CDH18: variants seen among roughly 807,000 people sequenced by gnomAD.
The protein encoded by CDH18 is cadherin-18.
In CDH18, 31 loss-of-function variants were observed where a neutral mutation model predicts 67.9. The observed-to-expected ratio is 0.46, with a 90% CI of 0.34 to 0.62. The LOEUF (loss-of-function observed/expected upper bound fraction) is 0.62, where lower values mean the gene tolerates loss of function less well. Ranked by LOEUF, CDH18 falls within the 20% of genes least tolerant of loss-of-function variation. The pLI is 0.01. For synonymous variants in CDH18, 362 were observed against 347.2 expected (o/e 1.04, Z -0.48); for missense variants, 890 against 975.5 (o/e 0.91, Z 1.17).
chr5:20,445,392 T>C (rs1286457254), intron 1 of CDH18, among the ~76,000 whole-genome samples: 2 of 152,206 alleles, frequency 1.3e-5, no homozygotes, highest in East Asian at 1.9e-4. Context: ...GTGGGCATCA[T>C]GCTGAATAAT....
chr5:20,235,165 A>C (rs1196157124), intron 2 of CDH18, among the ~76,000 whole-genome samples: 1 of 152,082 alleles, frequency 6.6e-6, no homozygotes, highest in East Asian at 1.9e-4. Flanking sequence ...AGACTTCAAA[A>C]TATAAAAATC....
intron 2 of CDH18, among the ~76,000 whole-genome samples, chr5:19,958,653 G>C (rs754950711): frequency 1.3e-5 from 2 of 152,016 alleles, no homozygotes; most frequent in African/African-American, 2.4e-5. Flanking sequence ...ACCACACCAA[G>C]AGCCTGTTAG....
chr5:20,508,323 TTATATATATATATATATA>T (rs55885279), intron 1 of CDH18, among the ~76,000 whole-genome samples: 3,513 of 111,174 alleles, frequency 0.032, 85 homozygotes, highest in African/African-American at 0.037. Context: ...ATGACTATGA[TTATATATATATATATATA>T]TATATATATA....
chr5:19,795,925 CAAG>C (rs980320796), intron 3 of CDH18, among the ~76,000 whole-genome samples: 6 of 151,942 alleles, frequency 3.9e-5, no homozygotes, highest in Non-Finnish European at 5.9e-5. Flanking sequence ...AATTATAGAA[CAAG>C]AAAACAAAAT....
intron 1 of CDH18, among the ~76,000 whole-genome samples, chr5:20,412,506 G>A (rs1208667007): frequency 6.6e-6 from 1 of 152,132 alleles, no homozygotes; most frequent in Non-Finnish European, 1.5e-5. Context: ...TGACAAACAG[G>A]ACTTAATTAA....
intron 2 of CDH18, among the ~76,000 whole-genome samples, chr5:20,117,483 T>A (rs1748019580): frequency 6.6e-6 from 1 of 152,182 alleles, no homozygotes; most frequent in Non-Finnish European, 1.5e-5. Flanking sequence ...TACAATACAG[T>A]ATTTGTTTAG....
intron 2 of CDH18, among the ~76,000 whole-genome samples, chr5:20,027,987 G>C (rs1172419432): frequency 6.6e-6 from 1 of 151,934 alleles, no homozygotes; most frequent in African/African-American, 2.4e-5. Flanking sequence ...AACATAATGA[G>C]TATTCATCTA....
intron 3 of CDH18, among the ~76,000 whole-genome samples, chr5:19,752,205 C>T (rs993298823): frequency 1.3e-5 from 2 of 152,108 alleles, no homozygotes; most frequent in African/African-American, 2.4e-5. Flanking sequence ...GATGCAAATC[C>T]TGTGTGTAGA....
chr5:19,642,047 A>G lies in CDH18; in HGVS notation c.644-29446T>C, dbSNP rs201295451. Among the ~76,000 whole-genome samples, 5 of 152,026 alleles carry G rather than the reference A, an allele frequency of 3.3e-5. No individual in the cohort carries two copies. The East Asian group carries it at 9.6e-4, about 29-fold the overall frequency. On this transcript the variant is annotated intron_variant, in intron 5 of 12. Coordinates refer to ENST00000382275, the MANE Select transcript of CDH18 (RefSeq NM_004934.5). Reference sequence around the variant, plus strand: ...ATAATTTGTGTTGCTATACAAAAACAATGAATTATTTGAAAAAGAAATGGA... The same window carrying G: ...ATAATTTGTGTTGCTATACAAAAACGATGAATTATTTGAAAAAGAAATGGA...
chr5:19,672,653 T>A (rs1021152737), intron 5 of CDH18, among the ~76,000 whole-genome samples: 2 of 151,908 alleles, frequency 1.3e-5, no homozygotes, highest in Admixed American at 6.6e-5. Context: ...TTTAAAAAAA[T>A]TTATGAAAAA....
chr5:19,568,323 G>A (rs534065639), intron 8 of CDH18, among the ~76,000 whole-genome samples: 5 of 152,250 alleles, frequency 3.3e-5, no homozygotes, highest in East Asian at 1.9e-4. Flanking sequence ...TGATTATGAG[G>A]TCATGAAAAT....
intron 9 of CDH18, among the ~76,000 whole-genome samples, chr5:19,543,648 G>A (rs1468575152): frequency 6.6e-6 from 1 of 152,112 alleles, no homozygotes; most frequent in Non-Finnish European, 1.5e-5. Flanking sequence ...AGTGTTCTGT[G>A]ATGCCACTTT....
intron 2 of CDH18, among the ~76,000 whole-genome samples, chr5:20,142,304 T>C (rs924896805): frequency 2.0e-5 from 3 of 152,008 alleles, no homozygotes; most frequent in East Asian, 1.9e-4. Context: ...TCCAGCCCAG[T>C]TGTGGTGGTT....
At chr5:19,812,535 A>G (rs2149903053) in intron 3 of CDH18, among the ~76,000 whole-genome samples, 1 of 152,306 alleles carries the variant, frequency 6.6e-6, no homozygotes, top group African/African-American at 2.4e-5. Context: ...CAAAAAGCAT[A>G]AAACATAAAA....
chr5:19,779,923 A>C (rs566461403), intron 3 of CDH18, among the ~76,000 whole-genome samples: 3 of 152,150 alleles, frequency 2.0e-5, no homozygotes, highest in African/African-American at 2.4e-5. Context: ...TCCATTTTAT[A>C]TGAATAATAT....
chr5:19,510,702 A>G lies in CDH18; in HGVS notation c.1513-7593T>C, dbSNP rs553518689. On this transcript the variant is annotated intron_variant, in intron 10 of 12. Transcript: ENST00000382275. ...GAATTATAATCCCCATAATCCCCACATTATAATCCCACATAACCCCTACCT... is the reference window on the plus strand; with the variant it reads ...GAATTATAATCCCCATAATCCCCACGTTATAATCCCACATAACCCCTACCT... Among the ~76,000 whole-genome samples, 368 of 152,184 alleles carry G rather than the reference A, an allele frequency of 2.4e-3. 2 individuals carry two copies. The highest frequency in any genetic ancestry group is 3.8e-3 in the Non-Finnish European group (259 of 68,002).
intron 2 of CDH18, among the ~76,000 whole-genome samples, chr5:20,221,724 T>C (rs1356360853): frequency 1.3e-5 from 2 of 152,100 alleles, no homozygotes; most frequent in Non-Finnish European, 2.9e-5. Context: ...AAGTATCTCA[T>C]GTATCTCATA....
At chr5:20,170,937 T>TATAA (rs1736653456) in intron 2 of CDH18, among the ~76,000 whole-genome samples, 1 of 152,146 alleles carries the variant, frequency 6.6e-6, no homozygotes, top group South Asian at 2.1e-4. Context: ...AGCTCCCACT[T>TATAA]ATAAAGGAGA....
intron 1 of CDH18, among the ~76,000 whole-genome samples, chr5:20,491,304 A>C (rs973076415): frequency 2.0e-5 from 3 of 151,996 alleles, no homozygotes; most frequent in Admixed American, 1.3e-4. Context: ...CTACCAATTG[A>C]TATTTCCACA....
Sources: gnomAD v4.1 joint callset for allele counts (sites outside exome capture counted in the v4.1 genomes callset) on GRCh38, gnomAD v4.1.1 for gene constraint, MANE v1.5 for transcripts, NCBI Gene and HGNC (gene_info 2026-07-23, HGNC 2026-07-21) for gene names.